Variants in TACC1 observed in about 807,000 individuals in gnomAD.
TACC1 encodes the protein transforming acidic coiled-coil-containing protein 1.
In TACC1, 48 loss-of-function variants were observed where a neutral mutation model predicts 84.4. That is an observed-to-expected ratio of 0.57 (90% confidence interval 0.45 to 0.72). The LOEUF (loss-of-function observed/expected upper bound fraction) is 0.72, where lower values mean the gene tolerates loss of function less well. TACC1 is among the 30% of genes least tolerant of loss of function. The pLI, the probability that TACC1 is intolerant of heterozygous loss-of-function variation, is 0.00. For missense variants in TACC1, 920 were observed against 973.0 expected (o/e 0.95, Z 0.72); for synonymous variants, 372 against 376.3 (o/e 0.99, Z 0.13).
intron 6 of TACC1, among the ~76,000 whole-genome samples, chr8:38,832,528 C>A (rs1829467025): frequency 1.3e-5 from 2 of 152,098 alleles, no homozygotes; most frequent in East Asian, 1.9e-4. Context: ...ATGAAAAAAT[C>A]ATCTATTTAA....
intron 1 of TACC1, among the ~76,000 whole-genome samples, chr8:38,740,854 G>A (rs1379007944): frequency 6.6e-6 from 1 of 152,186 alleles, no homozygotes; most frequent in Non-Finnish European, 1.5e-5. Flanking sequence ...CTTGGAGAAA[G>A]CATGGCTCTG....
At position 38,848,091 on chromosome 8, in the gene TACC1, C is replaced by A; in HGVS notation, c.*68C>A. 1 of 1,450,914 alleles carries A rather than the reference C, an allele frequency of 6.9e-7. No homozygotes were observed. Among genetic ancestry groups the A allele is most frequent in the South Asian group, 1.2e-5 (1 of 80,922 alleles). The allele number at this position is 1,450,914 out of a possible 1,614,324, so 89.9% of individuals were successfully genotyped here. A position where few individuals can be genotyped will look rare whatever the true frequency, so the allele number is the denominator to read the frequency against. On this transcript the variant is annotated 3_prime_UTR_variant, in exon 13 of 13. Coordinates refer to ENST00000317827, the MANE Select transcript of TACC1 (RefSeq NM_006283.3). ...TCTCTTGTGACCACAATTATCTTGC[C>A]TTATCCAGGAATAATTGCCCCTTTG...
chr8:38,835,350 A>C (rs1311303361), intron 6 of TACC1, among the ~76,000 whole-genome samples: 1 of 152,216 alleles, frequency 6.6e-6, no homozygotes, highest in African/African-American at 2.4e-5. Flanking sequence ...TGTTCTCATG[A>C]AAAGAAAAGT....
chr8:38,753,005 G>A (rs35301383), intron 3 of TACC1, among the ~76,000 whole-genome samples: 2,487 of 152,230 alleles, frequency 0.016, 36 homozygotes, highest in Non-Finnish European at 0.026. Context: ...GAGAGGACAT[G>A]TTTCCATTTC....
chr8:38,780,452 TC>T (rs1272185642), intron 3 of TACC1, among the ~76,000 whole-genome samples: 1 of 152,114 alleles, frequency 6.6e-6, no homozygotes, highest in Non-Finnish European at 1.5e-5. Flanking sequence ...AACCTCCGCC[TC>T]CCGGGTTCAA....
At chr8:38,738,581 T>C (rs936562058) in intron 1 of TACC1, among the ~76,000 whole-genome samples, 1 of 152,172 alleles carries the variant, frequency 6.6e-6, no homozygotes, top group African/African-American at 2.4e-5. Context: ...GCTTCGCCCA[T>C]TGAGCGCTCT....
At chr8:38,783,217 T>G (rs1375310620), upstream of TACC1, among the ~76,000 whole-genome samples, 1 of 151,204 alleles carries the variant, frequency 6.6e-6, no homozygotes, top group Non-Finnish European at 1.5e-5. Context: ...TGACCTAGGT[T>G]GAATGGTATA....
chr8:38,766,341 G>A (rs1377828971), intron 3 of TACC1, among the ~76,000 whole-genome samples: 2 of 152,134 alleles, frequency 1.3e-5, no homozygotes, highest in Non-Finnish European at 2.9e-5. Flanking sequence ...ACACTTCTAG[G>A]CAAAATACAT....
chr8:38,740,692 C>T (rs757606998), intron 1 of TACC1, among the ~76,000 whole-genome samples: 4 of 152,234 alleles, frequency 2.6e-5, no homozygotes, highest in Non-Finnish European at 5.9e-5. Flanking sequence ...ACTGATCTAT[C>T]CATATACTAT....
chr8:38,841,443 G>T (rs1408253759), intron 9 of TACC1, among the ~76,000 whole-genome samples: 1 of 152,174 alleles, frequency 6.6e-6, no homozygotes, highest in Admixed American at 6.5e-5. Flanking sequence ...GAATCAAGAA[G>T]GCAGAGTATT....
At chr8:38,830,083 T>TA (rs2152275730) in intron 5 of TACC1, among the ~76,000 whole-genome samples, 1 of 152,244 alleles carries the variant, frequency 6.6e-6, no homozygotes, top group East Asian at 1.9e-4. Flanking sequence ...CTTGATCCTA[T>TA]AGGTAGGGAG....
rs1359017229 is a variant in TACC1 at position 38,831,130 on chromosome 8, GAGA to G, written c.1669_1671del (p.Lys557del). 1 of 1,614,198 alleles carries G rather than the reference GAGA, an allele frequency of 6.2e-7. No homozygotes were observed. The highest frequency in any genetic ancestry group is 2.2e-5 in the East Asian group (1 of 44,888). ...AAAATGACTTTCTGTCTTAGGCATA[GAGA>G]AGGAGACGTGCCAGAAGATGGAAGA... is the stretch of plus-strand genomic sequence containing the variant. On this transcript the variant is annotated inframe_deletion, in exon 6 of 13. Transcript: ENST00000317827.
chr8:38,775,491 C>A (rs1253491671), intron 3 of TACC1, among the ~76,000 whole-genome samples: 1 of 152,130 alleles, frequency 6.6e-6, no homozygotes, highest in Admixed American at 6.5e-5. Flanking sequence ...GATTAAGGGA[C>A]CAGCAGATTC....
chr8:38,801,901 G>T (rs1821445338), intron 2 of TACC1, among the ~76,000 whole-genome samples: 1 of 152,104 alleles, frequency 6.6e-6, no homozygotes, highest in South Asian at 2.1e-4. Context: ...TTCAAGCAAT[G>T]TTTTTTGTTG....
At chr8:38,794,614 T>G (rs1408485172) in intron 2 of TACC1, among the ~76,000 whole-genome samples, 2 of 152,202 alleles carry the variant, frequency 1.3e-5, no homozygotes, top group Admixed American at 1.3e-4. Flanking sequence ...GAAACCTTGT[T>G]AAAATCAGAG....
At chr8:38,729,588 G>T (rs1164393166) in intron 1 of TACC1, among the ~76,000 whole-genome samples, 4 of 152,212 alleles carry the variant, frequency 2.6e-5, no homozygotes, top group African/African-American at 4.8e-5. Flanking sequence ...GTCTTGTGTG[G>T]CCGGGCGCGG....
Position 38,840,321 on chromosome 8 carries a change from CT to C in TACC1, c.1960+55del, listed in dbSNP as rs768231630. On this transcript the variant is annotated intron_variant, in intron 9 of 12. Transcript: ENST00000317827. ...TATGAGCCATAGGATCTGTCTTAGT[CT>C]GTTCAGCCTGGTATAACAAAATATG... The C allele has an allele frequency of 1.9e-5, 28 of 1,500,382 alleles. No homozygotes were observed. The African/African-American group carries it at 3.7e-4, about 20-fold the overall frequency. The allele number at this position is 1,500,382 out of a possible 1,614,324, so 92.9% of individuals were successfully genotyped here.
At position 38,831,125 on chromosome 8, in the gene TACC1, G is replaced by A. The variant is rs1318548183; in HGVS notation, c.1661G>A (p.Gly554Asp). Residue 554 changes from glycine (G) to aspartate (D), a missense_variant and splice_region_variant, in exon 6 of 13, where the codon GGC (glycine) becomes GAC (aspartate). By Grantham distance (94) the Gly-to-Asp change is moderately conservative (BLOSUM62 -1). This residue lies in a region of TACC1 where 762 missense variants were observed against 747.3 expected (regional missense o/e 1.02). Coordinates refer to ENST00000317827, the MANE Select transcript of TACC1 (RefSeq NM_006283.3). Reference protein sequence around the residue: ...INHAFSSSEAGIEKETCQKME... With the variant: ...INHAFSSSEADIEKETCQKME... ...CTATAAAAATGACTTTCTGTCTTAGGCATAGAGAAGGAGACGTGCCAGAAG... is the reference window on the plus strand; with the variant it reads ...CTATAAAAATGACTTTCTGTCTTAGACATAGAGAAGGAGACGTGCCAGAAG... The A allele has an allele frequency of 6.2e-7, 1 of 1,614,150 alleles. No homozygotes were observed. Among genetic ancestry groups the A allele is most frequent in the Admixed American group, 1.7e-5 (1 of 60,028 alleles).
At chr8:38,762,411 A>G (rs1450333403) in intron 3 of TACC1, among the ~76,000 whole-genome samples, 3 of 152,218 alleles carry the variant, frequency 2.0e-5, no homozygotes, top group African/African-American at 4.8e-5. Context: ...TTCCCTTAGC[A>G]TAATGTCCTC....
Sources: gnomAD v4.1 joint callset for allele counts (sites outside exome capture counted in the v4.1 genomes callset) on GRCh38, gnomAD v4.1.1 for gene constraint, gnomAD v4.1.1 regional missense constraint, MANE v1.5 for transcripts, NCBI Gene and HGNC (gene_info 2026-07-23, HGNC 2026-07-21) for gene names.